VAV3: variants seen among roughly 807,000 people sequenced by gnomAD.
VAV3 encodes the protein guanine nucleotide exchange factor VAV3.
VAV3 carries 94 observed loss-of-function variants against 131.2 expected under a neutral mutation model. The ratio of observed to expected loss-of-function variants is 0.72; its 90% CI spans 0.61 to 0.85. The LOEUF (loss-of-function observed/expected upper bound fraction) is 0.85. VAV3 is among the 40% of genes least tolerant of loss of function. The pLI is 0.00. For missense variants in VAV3, 939 were observed against 1,002.7 expected, an observed-to-expected ratio of 0.94 and a Z score of 0.86; for synonymous variants, 349 against 342.0, an observed-to-expected ratio of 1.02 and a Z score of -0.22.
intron 1 of VAV3, among the ~76,000 whole-genome samples, chr1:107,894,377 G>C (rs1429648986): frequency 6.6e-6 from 1 of 152,186 alleles, no homozygotes; most frequent in African/African-American, 2.4e-5. Context: ...AACTCATTAA[G>C]TAAAATGTCT....
intron 2 of VAV3, among the ~76,000 whole-genome samples, chr1:107,854,534 G>A (rs1405539179): frequency 1.3e-5 from 2 of 152,102 alleles, no homozygotes; most frequent in Non-Finnish European, 2.9e-5. Flanking sequence ...TTCATTCACT[G>A]ACTCCATGTG....
intron 10 of VAV3, among the ~76,000 whole-genome samples, chr1:107,759,172 T>C (rs1040663306): frequency 2.0e-5 from 3 of 152,232 alleles, no homozygotes; most frequent in Non-Finnish European, 4.4e-5. Context: ...GTCTGTCGTA[T>C]ATCACGAGTG....
intron 1 of VAV3, among the ~76,000 whole-genome samples, chr1:107,942,780 A>G (rs1674063972): frequency 6.6e-6 from 1 of 152,196 alleles, no homozygotes; most frequent in Non-Finnish European, 1.5e-5. Context: ...CTGGTTTGCA[A>G]TAAGATTACT....
At chr1:107,822,338 T>C (rs1051261726) in intron 2 of VAV3, among the ~76,000 whole-genome samples, 7 of 151,130 alleles carry the variant, frequency 4.6e-5, no homozygotes, top group Non-Finnish European at 8.8e-5. Context: ...ACTGGAGGAA[T>C]GAGAAAAAAG....
chr1:107,939,612 A>G (rs1294369699), intron 1 of VAV3, among the ~76,000 whole-genome samples: 2 of 152,118 alleles, frequency 1.3e-5, no homozygotes, highest in African/African-American at 2.4e-5. Flanking sequence ...TTGACTTACA[A>G]TGCTTTTAAC....
At chr1:107,839,236 A>G (rs757186695) in intron 2 of VAV3, among the ~76,000 whole-genome samples, 10 of 152,180 alleles carry the variant, frequency 6.6e-5, no homozygotes, top group Non-Finnish European at 1.2e-4. Context: ...TGTCTTCTTC[A>G]AGCTTATGAC....
intron 24 of VAV3, among the ~76,000 whole-genome samples, chr1:107,597,802 A>T (rs1651509766): frequency 6.6e-6 from 1 of 152,200 alleles, no homozygotes. Flanking sequence ...TTCACAGATG[A>T]TAACAAAGAA....
At chr1:107,721,029 T>C (rs1661464426) in intron 15 of VAV3, among the ~76,000 whole-genome samples, 1 of 152,184 alleles carries the variant, frequency 6.6e-6, no homozygotes, top group African/African-American at 2.4e-5. Flanking sequence ...TGTTTACAGG[T>C]ATAAGCTGAG....
intron 1 of VAV3, among the ~76,000 whole-genome samples, chr1:107,916,151 C>T (rs553995273): frequency 6.6e-6 from 1 of 151,900 alleles, no homozygotes; most frequent in Non-Finnish European, 1.5e-5. Flanking sequence ...TTGATCCAGA[C>T]ATCACATTAA....
At chr1:107,670,459 T>A (rs759291862) in intron 19 of VAV3, among the ~76,000 whole-genome samples, 1 of 152,290 alleles carries the variant, frequency 6.6e-6, no homozygotes, top group East Asian at 1.9e-4. Flanking sequence ...TTAAAACCTT[T>A]GCAAATGAAG....
chr1:107,891,962 T>C (rs761442569), intron 1 of VAV3, among the ~76,000 whole-genome samples: 7 of 151,442 alleles, frequency 4.6e-5, no homozygotes, highest in Non-Finnish European at 8.8e-5. Context: ...GACTATAAAA[T>C]GTAGATGATT....
At chr1:107,703,197 G>A (rs1189135652) in intron 17 of VAV3, among the ~76,000 whole-genome samples, 1 of 152,156 alleles carries the variant, frequency 6.6e-6, no homozygotes, top group Non-Finnish European at 1.5e-5. Context: ...AAAGAATGGG[G>A]CATATAAAGA....
At chr1:107,865,262 G>T (rs921715862) in intron 2 of VAV3, among the ~76,000 whole-genome samples, 2 of 152,174 alleles carry the variant, frequency 1.3e-5, no homozygotes, top group Non-Finnish European at 2.9e-5. Context: ...GCAGGGGGAA[G>T]GTCCCAGTTG....
intron 1 of VAV3, among the ~76,000 whole-genome samples, chr1:107,883,092 C>T (rs1670859042): frequency 6.6e-6 from 1 of 152,102 alleles, no homozygotes; most frequent in African/African-American, 2.4e-5. Flanking sequence ...TTTTTTAAGT[C>T]ATTCGTTCAA....
At chr1:107,686,777 T>C (rs937475833) in intron 18 of VAV3, among the ~76,000 whole-genome samples, 3 of 152,222 alleles carry the variant, frequency 2.0e-5, no homozygotes, top group Non-Finnish European at 4.4e-5. Context: ...TAGGCTTACA[T>C]GTAATTTAAA....
At chr1:107,763,691 G>T (rs1358195809) in intron 9 of VAV3, among the ~76,000 whole-genome samples, 1 of 152,114 alleles carries the variant, frequency 6.6e-6, no homozygotes, top group Non-Finnish European at 1.5e-5. Flanking sequence ...CATAATGAAG[G>T]AATATTAAGA....
chr1:107,933,914 G>A (rs922850344), intron 1 of VAV3, among the ~76,000 whole-genome samples: 1 of 152,030 alleles, frequency 6.6e-6, no homozygotes, highest in Non-Finnish European at 1.5e-5. Flanking sequence ...GTCATAAGAG[G>A]AGTACAGAAG....
intron 15 of VAV3, among the ~76,000 whole-genome samples, chr1:107,712,742 A>C (rs1660859744): frequency 6.7e-6 from 1 of 148,392 alleles, no homozygotes; most frequent in Admixed American, 6.7e-5. Flanking sequence ...AAAAATAAGT[A>C]AAGTCCCTGA....
intron 2 of VAV3, among the ~76,000 whole-genome samples, chr1:107,809,945 C>G (rs1667239002): frequency 2.0e-5 from 3 of 152,306 alleles, no homozygotes; most frequent in African/African-American, 7.2e-5. Flanking sequence ...TGAGCTACAG[C>G]ATAACTTACT....
Sources: allele counts gnomAD v4.1 joint callset (sites outside exome capture counted in the v4.1 genomes callset), GRCh38; gene constraint gnomAD v4.1.1; transcripts MANE v1.5; gene names NCBI Gene and HGNC (gene_info 2026-07-23, HGNC 2026-07-21).